Variants in ZNF717 observed in about 807,000 individuals in gnomAD.
ZNF717 encodes the protein krueppel-like factor X17.
A neutral mutation model predicts 13.8 loss-of-function variants in ZNF717; 9 were observed. That is an observed-to-expected ratio of 0.65 (90% CI 0.39 to 1.14). ZNF717 has a LOEUF of 1.14. Among genes scored for constraint, ZNF717 ranks in the 50% most tolerant of loss-of-function variants. ZNF717 has a pLI of 0.01. For synonymous variants in ZNF717, 327 were observed against 364.1 expected, an observed-to-expected ratio of 0.90 and a Z score of 1.16; for missense variants, 1,040 against 1,080.7, an observed-to-expected ratio of 0.96 and a Z score of 0.53.
At chr3:75,784,453 C>T (rs568633266) in intron 1 of ZNF717, among the ~76,000 whole-genome samples, 115 of 152,304 alleles carry the variant, frequency 7.6e-4, no homozygotes, top group Non-Finnish European at 1.0e-4. Flanking sequence ...ACTTCACAAT[C>T]TAATGCTAAA....
intron 2 of ZNF717, among the ~76,000 whole-genome samples, chr3:75,760,754 G>GGA (rs1942934695): frequency 7.6e-6 from 1 of 132,442 alleles, no homozygotes; most frequent in African/African-American, 2.8e-5. Flanking sequence ...CACCTGAAGG[G>GGA]AAAAAAAAAC....
intron 2 of ZNF717, among the ~76,000 whole-genome samples, chr3:75,781,306 T>C (rs1446605357): frequency 6.6e-6 from 1 of 152,258 alleles, no homozygotes; most frequent in Non-Finnish European, 1.5e-5. Context: ...GAGTTGTTTC[T>C]GTACCTCACT....
intron 2 of ZNF717, among the ~76,000 whole-genome samples, chr3:75,772,357 C>G (rs1323212821): frequency 2.0e-5 from 3 of 152,234 alleles, no homozygotes; most frequent in African/African-American, 7.2e-5. Flanking sequence ...GTAACATAAA[C>G]AGGGCTGAAA....
At chr3:75,743,786 C>T (rs78229454) in intron 2 of ZNF717, among the ~76,000 whole-genome samples, 2 of 150,220 alleles carry the variant, frequency 1.3e-5, no homozygotes, top group Non-Finnish European at 3.0e-5. Context: ...TATCTGTCAT[C>T]ATCCAGCTAG....
chr3:75,718,390 G>A (rs1321574558), intron 4 of ZNF717, among the ~76,000 whole-genome samples: 3 of 152,134 alleles, frequency 2.0e-5, no homozygotes, highest in East Asian at 1.9e-4. Flanking sequence ...TGGTGATGAC[G>A]TTGTCAGTTA....
At chr3:75,761,179 A>T (rs1483323110) in intron 2 of ZNF717, among the ~76,000 whole-genome samples, 1 of 152,266 alleles carries the variant, frequency 6.6e-6, no homozygotes, top group East Asian at 1.9e-4. Flanking sequence ...CCAGGTCCAG[A>T]TAACTTCACT....
At chr3:75,750,808 G>T (rs1275200438) in intron 2 of ZNF717, among the ~76,000 whole-genome samples, 1 of 151,120 alleles carries the variant, frequency 6.6e-6, no homozygotes, top group Non-Finnish European at 1.5e-5. Context: ...TAGGATTCCA[G>T]AACAATGCTG....
chr3:75,758,050 G>A (rs184652164), intron 2 of ZNF717, among the ~76,000 whole-genome samples: 284 of 146,926 alleles, frequency 1.9e-3, no homozygotes, highest in Non-Finnish European at 3.8e-3. Flanking sequence ...CTCGGGAGGC[G>A]CAGGTTTCAG....
At chr3:75,695,726 G>A (rs1466370057) in intron 6 of ZNF717, among the ~76,000 whole-genome samples, 1 of 152,230 alleles carries the variant, frequency 6.6e-6, no homozygotes, top group Non-Finnish European at 1.5e-5. Context: ...TGAATGATTA[G>A]TAGGTCGATA....
chr3:75,737,628 G>C lies in ZNF717; in HGVS notation c.1995C>G (p.His665Gln). ...GGTTTTTCCCCGTGTGAGTTCTCTG[G>C]TGTATGGTGAGGAATGACTTGCGAT... ...TFHRKSFLTIHQRTHTGKNRM... is the reference protein window; with the variant it reads ...TFHRKSFLTIQQRTHTGKNRM... Residue 665 changes from histidine to glutamine, a missense_variant, in exon 5 of 5, where the codon CAC (histidine) becomes CAG (glutamine). Physicochemically the swap from His to Gln is conservative, Grantham distance 24 (BLOSUM62 0). Coordinates refer to ENST00000652011, the MANE Select transcript of ZNF717 (RefSeq NM_001290208.3). The C allele has an allele frequency of 6.5e-7, 1 of 1,544,276 alleles. No homozygotes were observed. The highest frequency in any genetic ancestry group is 8.8e-7 in the Non-Finnish European group (1 of 1,142,164).
chr3:75,755,598 G>T (rs372337702), intron 2 of ZNF717, among the ~76,000 whole-genome samples: 4 of 152,024 alleles, frequency 2.6e-5, no homozygotes, highest in Admixed American at 2.0e-4. Context: ...GAGGAATCAG[G>T]TGTTTTCTTT....
chr3:75,709,982 TA>T (rs1937897573), exon 6 of ZNF717: 1 of 152,146 alleles, frequency 6.6e-6, no homozygotes, highest in Non-Finnish European at 1.5e-5. Context: ...CTTTTAGGCA[TA>T]TTTGGAGCAA....
chr3:75,742,124 G>C (rs1287225674), intron 2 of ZNF717, among the ~76,000 whole-genome samples: 1 of 152,080 alleles, frequency 6.6e-6, no homozygotes, highest in African/African-American at 2.4e-5. Context: ...TATTGCTAGG[G>C]ATAAAAGTAT....
intron 4 of ZNF717, among the ~76,000 whole-genome samples, chr3:75,740,231 G>A (rs1559606212): frequency 1.3e-5 from 2 of 152,256 alleles, no homozygotes; most frequent in South Asian, 4.1e-4. Context: ...GAAGTTTCCT[G>A]TACATTTCTC....
chr3:75,774,683 C>T (rs1211212153), intron 2 of ZNF717, among the ~76,000 whole-genome samples: 11 of 125,980 alleles, frequency 8.7e-5, no homozygotes, highest in South Asian at 2.8e-4. Context: ...TACAGTGGTG[C>T]GATCTCGGCT....
chr3:75,782,089 G>A (rs1393436877), intron 2 of ZNF717, among the ~76,000 whole-genome samples: 1 of 152,144 alleles, frequency 6.6e-6, no homozygotes, highest in Non-Finnish European at 1.5e-5. Flanking sequence ...TCAAAGTGTG[G>A]CGTTTCTCTC....
intron 4 of ZNF717, among the ~76,000 whole-genome samples, chr3:75,721,402 G>A (rs1938162730): frequency 1.3e-5 from 2 of 152,226 alleles, no homozygotes; most frequent in African/African-American, 4.8e-5. Context: ...CTGTCTCAGT[G>A]TCCTGAGTAG....
intron 2 of ZNF717, among the ~76,000 whole-genome samples, chr3:75,776,157 T>C (rs56956341): frequency 0.086 from 13,088 of 151,600 alleles, 438 homozygotes; most frequent in African/African-American, 0.19. Flanking sequence ...GATGGCCGCC[T>C]TGTCCTTCTT....
intron 2 of ZNF717, 30 bp downstream of exon 2, chr3:75,783,276 A>C (rs1944941881): frequency 3.3e-6 from 5 of 1,527,674 alleles, no homozygotes; most frequent in Non-Finnish European, 4.4e-6. Context: ...TACAGTGTAA[A>C]ACAAAGTGAA....
Sources: gnomAD v4.1 joint callset for allele counts (sites outside exome capture counted in the v4.1 genomes callset) on GRCh38, gnomAD v4.1.1 for gene constraint, MANE v1.5 for transcripts, NCBI Gene and HGNC (gene_info 2026-07-23, HGNC 2026-07-21) for gene names.